TEF: variants seen among roughly 807,000 people sequenced by gnomAD.
TEF encodes the protein thyrotroph embryonic factor.
In TEF, 3 loss-of-function variants were observed where a neutral mutation model predicts 20.8. The observed-to-expected ratio is 0.14, with a 90% CI of 0.07 to 0.37. The LOEUF (loss-of-function observed/expected upper bound fraction) is 0.37, where lower values mean the gene tolerates loss of function less well. Among genes scored for constraint, TEF ranks in the 10% least tolerant of loss-of-function variants. The probability of loss-of-function intolerance (pLI) is 1.00; values close to 1 mark genes in which losing one functional copy is unlikely to be tolerated. For synonymous variants in TEF, 180 were observed against 171.1 expected (o/e 1.05, Z -0.41); for missense variants, 296 against 397.9 (o/e 0.74, Z 2.18).
intron 1 of TEF, among the ~76,000 whole-genome samples, chr22:41,384,822 G>A (rs977586125): frequency 7.2e-5 from 11 of 151,820 alleles, no homozygotes; most frequent in African/African-American, 9.7e-5. Context: ...GTACAGTCTC[G>A]TCTCATTACA....
chr22:41,381,230 C>T (rs1012183358), upstream of TEF, among the ~76,000 whole-genome samples: 12 of 152,362 alleles, frequency 7.9e-5, no homozygotes, highest in Non-Finnish European at 1.3e-4. Flanking sequence ...AGCAGAAGTG[C>T]GGGCTAAGCT....
At chr22:41,372,448 T>G (rs941090997) in intron 1 of TEF, among the ~76,000 whole-genome samples, 1 of 152,200 alleles carries the variant, frequency 6.6e-6, no homozygotes, top group African/African-American at 2.4e-5. Flanking sequence ...TGTCACTATC[T>G]GTGCAATGGC....
upstream of TEF, chr22:41,381,908 AT>A (rs1433900505): frequency 4.9e-6 from 6 of 1,225,906 alleles, no homozygotes; most frequent in Non-Finnish European, 6.1e-6. Flanking sequence ...CGGGGTAGCG[AT>A]GGAAGGAGGC....
At chr22:41,368,971 G>A in intron 1 of TEF, 1 of 785,392 alleles carries the variant, frequency 1.3e-6, no homozygotes, top group Non-Finnish European at 1.5e-6. Context: ...GCCTGTGTGG[G>A]TGGGCAGAGC....
At chr22:41,386,229 A>T (rs2047326489) in intron 1 of TEF, among the ~76,000 whole-genome samples, 1 of 152,212 alleles carries the variant, frequency 6.6e-6, no homozygotes, top group Non-Finnish European at 1.5e-5. Flanking sequence ...ACCTGAGGTC[A>T]GAAGTTCGAA....
upstream of TEF, among the ~76,000 whole-genome samples, chr22:41,380,948 C>A (rs1925402872): frequency 6.6e-6 from 1 of 152,210 alleles, no homozygotes; most frequent in Non-Finnish European, 1.5e-5. Flanking sequence ...TCTAGCCCAA[C>A]CTCTTAATTT....
chr22:41,381,848 A>C (rs1224654800), upstream of TEF: 3 of 1,210,236 alleles, frequency 2.5e-6, no homozygotes, highest in East Asian at 3.2e-5. Context: ...CGATCCGGGG[A>C]AGCTGGCCTG....
At chr22:41,395,517 T>A (rs1465729890) in intron 3 of TEF, among the ~76,000 whole-genome samples, 1 of 152,090 alleles carries the variant, frequency 6.6e-6, no homozygotes, top group East Asian at 1.9e-4. Flanking sequence ...GAGATGAGTC[T>A]CCTTCTCTTC....
intron 1 of TEF, chr22:41,382,902 C>G (rs1055234172): frequency 2.1e-6 from 1 of 470,806 alleles, no homozygotes; most frequent in African/African-American, 2.0e-5. Context: ...TGGGGCTGAC[C>G]CTTAGATTCT....
At chr22:41,395,082 C>T (rs2037211246) in intron 3 of TEF, among the ~76,000 whole-genome samples, 1 of 152,188 alleles carries the variant, frequency 6.6e-6, no homozygotes, top group African/African-American at 2.4e-5. Context: ...TCTCGGCTCA[C>T]TGCAACTTCC....
intron 1 of TEF, among the ~76,000 whole-genome samples, chr22:41,376,238 G>GT (rs1364244865): frequency 1.3e-5 from 2 of 152,136 alleles, no homozygotes; most frequent in Non-Finnish European, 2.9e-5. Flanking sequence ...TTCTGTTTTT[G>GT]TTTTTTTGTT....
At chr22:41,389,155 C>CTT (rs1198190392) in intron 2 of TEF, among the ~76,000 whole-genome samples, 1 of 152,070 alleles carries the variant, frequency 6.6e-6, no homozygotes, top group Non-Finnish European at 1.5e-5. Flanking sequence ...AATCCCAGCA[C>CTT]TTTGGGAGGC....
At chr22:41,384,302 C>T (rs983506619) in intron 1 of TEF, among the ~76,000 whole-genome samples, 8 of 152,142 alleles carry the variant, frequency 5.3e-5, no homozygotes, top group Non-Finnish European at 1.0e-4. Context: ...TCCTTCCAAC[C>T]TTGTCACATT....
chr22:41,369,197 A>T (rs2035730360), intron 1 of TEF: 1 of 985,390 alleles, frequency 1.0e-6, no homozygotes, highest in African/African-American at 1.7e-5. Context: ...GAAGTGTGGC[A>T]GCAGCTGCCG....
intron 2 of TEF, among the ~76,000 whole-genome samples, chr22:41,389,639 T>A (rs1032902303): frequency 6.6e-6 from 1 of 151,898 alleles, no homozygotes; most frequent in Non-Finnish European, 1.5e-5. Context: ...ATAAAAGTTT[T>A]TTTTTTTTTT....
intron 2 of TEF, among the ~76,000 whole-genome samples, chr22:41,393,795 T>A (rs1008792195): frequency 9.4e-5 from 14 of 149,524 alleles, no homozygotes; most frequent in Non-Finnish European, 1.9e-4. Flanking sequence ...AAAAAAAAAA[T>A]TAATGTTTTG....
Position 41,387,332 on chromosome 22 carries a change from G to A in TEF, c.158-19G>A, listed in dbSNP as rs751633752. 14 of 1,613,132 alleles carry A rather than the reference G, an allele frequency of 8.7e-6. No individual in the cohort carries two copies. The highest frequency in any genetic ancestry group is 3.3e-5 in the Admixed American group (2 of 59,960). On this transcript the variant is annotated intron_variant, in intron 1 of 3. Coordinates refer to ENST00000266304, the MANE Select transcript of TEF (RefSeq NM_003216.4). ...TTACTCTCCTGTGTGGTATTTCATC[G>A]CAGATTTTGTTTCTGCAGATAAGGA... is the stretch of plus-strand genomic sequence containing the variant.
intron 2 of TEF, among the ~76,000 whole-genome samples, chr22:41,387,937 G>A (rs1237790732): frequency 4.7e-5 from 7 of 148,844 alleles, no homozygotes; most frequent in Non-Finnish European, 7.4e-5. Context: ...TCCAGGCCAC[G>A]GCATTACAGG....
chr22:41,371,303 C>T (rs2036880152), intron 1 of TEF, among the ~76,000 whole-genome samples: 1 of 152,220 alleles, frequency 6.6e-6, no homozygotes, highest in South Asian at 2.1e-4. Context: ...GTTGTGAAGC[C>T]GGAACATACA....
Sources: allele counts gnomAD v4.1 joint callset (sites outside exome capture counted in the v4.1 genomes callset), GRCh38; gene constraint gnomAD v4.1.1; transcripts MANE v1.5; gene names NCBI Gene and HGNC (gene_info 2026-07-23, HGNC 2026-07-21).